The following MTMR10 variants were observed in gnomAD, a reference collection of about 807,000 sequenced individuals.
The protein encoded by MTMR10 is myotubularin related protein 10, also known as myotubularin-related protein 10.
MTMR10 carries 56 observed loss-of-function variants against 88.1 expected under a neutral mutation model. The observed-to-expected ratio is 0.64, with a 90% CI of 0.51 to 0.79. MTMR10 has a LOEUF of 0.79. Ranked by LOEUF, MTMR10 falls within the 30% of genes least tolerant of loss-of-function variation. The pLI is 0.00. For synonymous variants in MTMR10, 380 were observed against 340.9 expected (o/e 1.11, Z -1.26); for missense variants, 883 against 924.7 (o/e 0.95, Z 0.58).
intron 2 of MTMR10, among the ~76,000 whole-genome samples, chr15:30,989,372 G>A (rs2141078378): frequency 6.6e-6 from 1 of 152,218 alleles, no homozygotes; most frequent in East Asian, 1.9e-4. Flanking sequence ...GACTCCCATA[G>A]TAAAGTTTAA....
At chr15:30,985,537 G>A (rs1487006686) in intron 2 of MTMR10, among the ~76,000 whole-genome samples, 8 of 152,170 alleles carry the variant, frequency 5.3e-5, no homozygotes, top group Non-Finnish European at 1.2e-4. Context: ...GTGTGACACT[G>A]GGCAAGTTAC....
At chr15:30,954,684 A>G in intron 10 of MTMR10, 79 bp downstream of exon 10, 1 of 1,319,396 alleles carries the variant, frequency 7.6e-7, no homozygotes, top group African/African-American at 1.5e-5. Flanking sequence ...CTACATTTTT[A>G]AGAACATCAC....
chr15:30,926,043 C>A, the MTMR10 span: 1 of 1,172,410 alleles, frequency 8.5e-7, no homozygotes, highest in Non-Finnish European at 1.2e-6. Context: ...CTGTCCTCTG[C>A]TCACAGTGGA....
intron 2 of MTMR10, among the ~76,000 whole-genome samples, chr15:30,983,803 T>A (rs1170422917): frequency 1.3e-5 from 2 of 152,214 alleles, no homozygotes; most frequent in Non-Finnish European, 2.9e-5. Context: ...GGAATTAAAG[T>A]GGCTCAAAAG....
At chr15:30,925,216 A>C in the MTMR10 span, 3 of 1,613,966 alleles carry the variant, frequency 1.9e-6, no homozygotes, top group Non-Finnish European at 2.5e-6. Context: ...TGCGCCTGCG[A>C]GAGTCTCCGA....
At chr15:30,975,506 C>T (rs1255321570) in intron 3 of MTMR10, among the ~76,000 whole-genome samples, 1 of 152,154 alleles carries the variant, frequency 6.6e-6, no homozygotes, top group African/African-American at 2.4e-5. Context: ...AATAGTGGTA[C>T]TGGATTTAAG....
chr15:30,974,601 C>T, intron 4 of MTMR10, 145 bp from the exon 5 acceptor site: 1 of 833,060 alleles, frequency 1.2e-6, no homozygotes, highest in South Asian at 3.7e-5. Context: ...ACTTGTAATT[C>T]CTAGAACTTG....
chr15:30,988,103 A>C (rs1357589901), intron 2 of MTMR10, among the ~76,000 whole-genome samples: 1 of 152,200 alleles, frequency 6.6e-6, no homozygotes, highest in East Asian at 1.9e-4. Context: ...CTTGTCTTCC[A>C]GATTTCATGG....
the MTMR10 span, among the ~76,000 whole-genome samples, chr15:30,929,655 A>AATATATGAAATATATATCATATAAT: frequency 1.6e-5 from 1 of 62,564 alleles, no homozygotes; most frequent in Non-Finnish European, 3.3e-5. Context: ...TATATAATAT[A>AATATATGAAATATATATCATATAAT]ATATATGAAA....
intron 15 of MTMR10, chr15:30,942,559 G>A (rs576467005): frequency 8.7e-6 from 3 of 345,880 alleles, no homozygotes; most frequent in South Asian, 7.7e-5. Context: ...TAGCAGTCAG[G>A]AGGCCATGAC....
At chr15:30,932,716 C>CTTTTT in the MTMR10 span, among the ~76,000 whole-genome samples, 4 of 134,362 alleles carry the variant, frequency 3.0e-5, no homozygotes, top group South Asian at 2.3e-4. Context: ...TGTTTCTTTT[C>CTTTTT]TTTTTTTTTT....
At chr15:30,942,865 T>C (rs1566944459) in intron 15 of MTMR10, 25 bp downstream of exon 15, 1 of 1,543,318 alleles carries the variant, frequency 6.5e-7, no homozygotes, top group South Asian at 1.2e-5. Flanking sequence ...TGAGCCAACA[T>C]CACGTTTTGT....
the MTMR10 span, among the ~76,000 whole-genome samples, chr15:30,931,922 A>G: frequency 6.6e-5 from 6 of 90,668 alleles, no homozygotes; most frequent in Admixed American, 4.5e-4. Context: ...AGTTTCCAAG[A>G]AAAAAAAAAG....
At chr15:30,964,890 A>C (rs1024503588) in intron 6 of MTMR10, among the ~76,000 whole-genome samples, 2 of 152,328 alleles carry the variant, frequency 1.3e-5, no homozygotes, top group Admixed American at 1.3e-4. Context: ...TGGCCAATTG[A>C]TATCTAGAAT....
chr15:30,920,557 T>C, the MTMR10 span: 1 of 1,609,894 alleles, frequency 6.2e-7, no homozygotes, highest in African/African-American at 1.3e-5. Flanking sequence ...GCCACGAAGA[T>C]TTACCACTCT....
At chr15:30,929,274 G>C in the MTMR10 span, 1 of 1,613,676 alleles carries the variant, frequency 6.2e-7, no homozygotes, top group African/African-American at 1.3e-5. Flanking sequence ...CCAGGCTGCA[G>C]CTGATTCATG....
intron 9 of MTMR10, among the ~76,000 whole-genome samples, chr15:30,955,563 C>T (rs927631425): frequency 4.6e-5 from 7 of 152,226 alleles, no homozygotes; most frequent in Non-Finnish European, 8.8e-5. Flanking sequence ...AGCCACCGCG[C>T]CCGGGCTCAT....
chr15:30,938,045 T>G (rs777982987), downstream of MTMR10, among the ~76,000 whole-genome samples: 5 of 151,796 alleles, frequency 3.3e-5, no homozygotes, highest in South Asian at 2.1e-4. Flanking sequence ...TTGGGTGGGC[T>G]TGGTGGCACA....
downstream of MTMR10, chr15:30,937,078 AG>A (rs539015831): frequency 2.1e-4 from 323 of 1,560,034 alleles, 2 homozygotes; most frequent in African/African-American, 4.0e-3. Flanking sequence ...CTTTTCATTC[AG>A]TAAGATACTA....
Sources: gnomAD v4.1 joint callset for allele counts (sites outside exome capture counted in the v4.1 genomes callset) on GRCh38, gnomAD v4.1.1 for gene constraint, MANE v1.5 for transcripts, NCBI Gene and HGNC (gene_info 2026-07-23, HGNC 2026-07-21) for gene names.